The following SEPTIN10 variants were observed in gnomAD, a reference collection of about 807,000 sequenced individuals.
SEPTIN10 encodes the protein septin-10.
SEPTIN10 carries 66 observed loss-of-function variants against 54.8 expected under a neutral mutation model. The ratio of observed to expected loss-of-function variants is 1.21; its 90% CI spans 0.99 to 1.48. The LOEUF (loss-of-function observed/expected upper bound fraction) is 1.48. SEPTIN10 is among the 40% of genes most tolerant of loss of function. The probability of loss-of-function intolerance (pLI) is 0.00; values close to 1 mark genes in which losing one functional copy is unlikely to be tolerated. For missense variants in SEPTIN10, 620 were observed against 545.6 expected (o/e 1.14, Z -1.36); for synonymous variants, 161 against 181.0 (o/e 0.89, Z 0.89).
In SEPTIN10 at chr2:109,553,151, A is replaced by T; in HGVS notation, c.1097T>A (p.Met366Lys). Residue 366 changes from methionine to lysine, a missense_variant, in exon 9 of 11, where the codon ATG (methionine) becomes AAG (lysine). Met to Lys is a moderately conservative substitution (Grantham distance 95). Coordinates refer to ENST00000397712, the MANE Select transcript of SEPTIN10 (RefSeq NM_144710.5). ...HGERQRKEEE[M>K]KQMFVQRVKE... ...TACTCGCTGCACAAACATCTGTTTC[A>T]TTTCTTCTTCCTTCCTCTGACGTTC... 6.2e-7 allele frequency: 1 copy of T among 1,614,008 alleles called. No individual in the cohort carries two copies. The highest frequency in any genetic ancestry group is 1.1e-5 in the South Asian group (1 of 91,078).
chr2:109,585,374 T>C, intron 3 of SEPTIN10, 53 bp from the exon 4 acceptor site: 3 of 1,418,488 alleles, frequency 2.1e-6, no homozygotes, highest in East Asian at 4.6e-5. Context: ...TGAAAAGAAA[T>C]ACAACTGTAA....
chr2:109,545,405 G>A (rs761368871), intron 10 of SEPTIN10: 31 of 1,535,448 alleles, frequency 2.0e-5, no homozygotes, highest in African/African-American at 4.1e-5. Flanking sequence ...CACGCCTTGC[G>A]ATTATCATCC....
At chr2:109,548,701 G>A (rs754106111) in intron 9 of SEPTIN10, among the ~76,000 whole-genome samples, 4 of 149,904 alleles carry the variant, frequency 2.7e-5, no homozygotes, top group African/African-American at 4.9e-5. Flanking sequence ...GCCTGAAGCC[G>A]GGAGGCCGAG....
At chr2:109,593,452 C>T (rs954620849) in intron 1 of SEPTIN10, among the ~76,000 whole-genome samples, 1 of 145,044 alleles carries the variant, frequency 6.9e-6, no homozygotes, top group Non-Finnish European at 1.5e-5. Context: ...GTCACCCAGA[C>T]TGGAGTGCAA....
intron 2 of SEPTIN10, among the ~76,000 whole-genome samples, chr2:109,586,426 CT>C (rs5833335): frequency 0.054 from 8,235 of 152,184 alleles, 682 homozygotes; most frequent in East Asian, 0.24. Flanking sequence ...AAGGCACTCC[CT>C]AGTCATTATG....
chr2:109,563,631 G>A (rs1223441166), intron 8 of SEPTIN10, among the ~76,000 whole-genome samples: 1 of 152,156 alleles, frequency 6.6e-6, no homozygotes, highest in Non-Finnish European at 1.5e-5. Flanking sequence ...AACTTTTAAT[G>A]CTTTATATTA....
chr2:109,574,638 C>T lies in SEPTIN10; in HGVS notation c.543G>A (p.Pro181=), dbSNP rs191123260. 2.8e-3 allele frequency: 4,500 copies of T among 1,603,710 alleles called. 27 individuals are homozygous for T. Among genetic ancestry groups the T allele is most frequent in the Non-Finnish European group, 2.3e-3 (2,675 of 1,175,086 alleles). ...RIHVCLYFIS[P]TGHSLKTLDL... is the part of the protein sequence containing the mutation. ...CAAGTGTCTTCAGAGAGTGGCCTGT[C>T]GGTGAAATGAAGTAGAGACACACAT... Residue 181 remains proline, a synonymous_variant, in exon 5 of 11, where the codon CCG becomes CCA. Coordinates refer to ENST00000397712, the MANE Select transcript of SEPTIN10 (RefSeq NM_144710.5).
intron 10 of SEPTIN10, chr2:109,545,741 G>A (rs1024956654): frequency 1.3e-5 from 18 of 1,428,526 alleles, no homozygotes; most frequent in Middle Eastern, 2.6e-4. Context: ...CCACGGCTGG[G>A]CTATTCAATA....
At chr2:109,612,667 G>T (rs1267981775) in intron 1 of SEPTIN10, among the ~76,000 whole-genome samples, 2 of 152,128 alleles carry the variant, frequency 1.3e-5, no homozygotes, top group South Asian at 2.1e-4. Flanking sequence ...ATGAATCAAA[G>T]AATTTATAAA....
intron 3 of SEPTIN10, 22 bp downstream of exon 3, chr2:109,585,699 A>G (rs1553439758): frequency 6.7e-7 from 1 of 1,490,198 alleles, no homozygotes; most frequent in Non-Finnish European, 9.4e-7. Context: ...AACAACTTAG[A>G]GGAAGAGTAG....
At chr2:109,567,120 G>C (rs546472671) in intron 6 of SEPTIN10, among the ~76,000 whole-genome samples, 50 of 152,278 alleles carry the variant, frequency 3.3e-4, no homozygotes, top group African/African-American at 1.2e-3. Flanking sequence ...GAAAGTCACT[G>C]TTAGGCGCTT....
chr2:109,609,222 T>G (rs1698686994), intron 1 of SEPTIN10, among the ~76,000 whole-genome samples: 1 of 152,232 alleles, frequency 6.6e-6, no homozygotes, highest in Non-Finnish European at 1.5e-5. Context: ...CAAGCATTTA[T>G]AATTTATTCA....
chr2:109,600,222 A>G (rs551192399), intron 1 of SEPTIN10, among the ~76,000 whole-genome samples: 1 of 152,228 alleles, frequency 6.6e-6, no homozygotes, highest in South Asian at 2.1e-4. Context: ...TTGCACGGCT[A>G]TTAAGATCTG....
In SEPTIN10 at chr2:109,567,956, A is replaced by C. The variant is rs780674616; in HGVS notation, c.621T>G (p.Ile207Met). The change falls in exon 6 of 11, where the codon ATT becomes ATG. Residue 207 changes from isoleucine (I) to methionine (M), a missense_variant. Coordinates refer to ENST00000397712, the MANE Select transcript of SEPTIN10 (RefSeq NM_144710.5). ...LDSKVNIIPVIAKADTVSKTE... is the reference protein window; with the variant it reads ...LDSKVNIIPVMAKADTVSKTE... ...TTTTAGAAACCGTATCTGCTTTGGC[A>C]ATCACTGGTATAATGTTTACCTATT... 78 of 1,611,688 alleles carry C rather than the reference A, an allele frequency of 4.8e-5. No individual in the cohort carries two copies. Among genetic ancestry groups the C allele is most frequent in the Non-Finnish European group, 5.6e-5 (66 of 1,179,314 alleles).
intron 5 of SEPTIN10, among the ~76,000 whole-genome samples, chr2:109,570,377 C>T (rs1688064618): frequency 6.6e-6 from 1 of 152,158 alleles, no homozygotes; most frequent in African/African-American, 2.4e-5. Context: ...CCCCCCTCAT[C>T]ATCTGTGGGT....
intron 4 of SEPTIN10, among the ~76,000 whole-genome samples, chr2:109,576,904 G>C (rs1226152044): frequency 1.3e-5 from 2 of 152,044 alleles, no homozygotes; most frequent in Non-Finnish European, 2.9e-5. Context: ...AGAAAAGAGG[G>C]CAGAAGCAAT....
chr2:109,596,017 T>C (rs1695227073), intron 1 of SEPTIN10, among the ~76,000 whole-genome samples: 2 of 152,198 alleles, frequency 1.3e-5, no homozygotes, highest in Admixed American at 1.3e-4. Context: ...TTGTCAAGTA[T>C]AGAACTTTAA....
chr2:109,589,513 G>A lies in SEPTIN10; in HGVS notation c.99+3538C>T, dbSNP rs537385889. 1.2e-3 allele frequency among the ~76,000 whole-genome samples: 177 copies of A among 152,144 alleles called. 1 individual carries two copies. Among genetic ancestry groups the A allele is most frequent in the African/African-American group, 4.2e-3 (175 of 41,512 alleles). ...CCACTGTGCTCCAGCCTGGAAGACA[G>A]AGCAAGACTCTGTCTCAAAAAAATT... is the stretch of plus-strand genomic sequence containing the variant. On this transcript the variant is annotated intron_variant, in intron 2 of 10. Transcript: ENST00000397712.
At chr2:109,548,449 C>A (rs144147331) in intron 9 of SEPTIN10, among the ~76,000 whole-genome samples, 1 of 151,944 alleles carries the variant, frequency 6.6e-6, no homozygotes, top group East Asian at 1.9e-4. Flanking sequence ...CATTGGCTCA[C>A]GGAGGTTTAC....
Sources: allele counts gnomAD v4.1 joint callset (sites outside exome capture counted in the v4.1 genomes callset), GRCh38; gene constraint gnomAD v4.1.1; transcripts MANE v1.5; gene names NCBI Gene and HGNC (gene_info 2026-07-23, HGNC 2026-07-21).